The following FGD3 variants were observed in gnomAD, a reference collection of about 807,000 sequenced individuals.
The protein encoded by FGD3 is FYVE, RhoGEF and PH domain containing 3.
FGD3 carries 45 observed loss-of-function variants against 71.8 expected under a neutral mutation model. That is an observed-to-expected ratio of 0.63 (90% CI 0.49 to 0.80). The LOEUF (loss-of-function observed/expected upper bound fraction) is 0.80, where lower values mean the gene tolerates loss of function less well. Ranked by LOEUF, FGD3 falls within the 30% of genes least tolerant of loss-of-function variation. FGD3 has a pLI of 0.00. For missense variants in FGD3, 844 were observed against 951.5 expected, an observed-to-expected ratio of 0.89 and a Z score of 1.49; for synonymous variants, 378 against 392.8, an observed-to-expected ratio of 0.96 and a Z score of 0.44.
chr9:93,013,715 T>C, intron 8 of FGD3, 137 bp from the exon 9 acceptor site: 2 of 1,060,410 alleles, frequency 1.9e-6, no homozygotes, highest in Admixed American at 2.5e-5. Flanking sequence ...ATCACTCTGT[T>C]TTCCCTCCCA....
At chr9:93,021,307 A>C (rs1861909086) in intron 13 of FGD3, among the ~76,000 whole-genome samples, 1 of 152,172 alleles carries the variant, frequency 6.6e-6, no homozygotes, top group South Asian at 2.1e-4. Context: ...ATGGAGACTT[A>C]GGCTGGGAAA....
Position 92,995,936 on chromosome 9 carries a change from CT to C in FGD3, c.454-6980del, listed in dbSNP as rs563849686. On this transcript the variant is annotated intron_variant, in intron 3 of 17. Transcript: ENST00000375482. The stretch of plus-strand genomic sequence containing the variant: ...ATCAGGGATATTGGTCTAAAATTCT[CT>C]TTTTTTTTGTTGTGTCTCTGCCAGG... 1.7e-3 allele frequency among the ~76,000 whole-genome samples: 258 copies of C among 151,198 alleles called. 1 individual carries two copies. The highest frequency in any genetic ancestry group is 5.5e-3 in the African/African-American group (228 of 41,218).
chr9:93,005,897 A>T (rs1861030504), intron 5 of FGD3, 127 bp from the exon 6 acceptor site: 2 of 988,578 alleles, frequency 2.0e-6, no homozygotes, highest in African/African-American at 3.3e-5. Context: ...AGAGAGGGTG[A>T]CCAATTTGCT....
At chr9:93,016,335 CTTTTTTTTTTT>C (rs71511639) in intron 10 of FGD3, among the ~76,000 whole-genome samples, 4 of 108,500 alleles carry the variant, frequency 3.7e-5, no homozygotes, top group Admixed American at 1.0e-4. Flanking sequence ...GAATGACCTT[CTTTTTTTTTTT>C]TTTTTTTTTT....
chr9:93,018,281 C>T (rs1350117956), intron 11 of FGD3, 66 bp downstream of exon 11: 1 of 1,403,374 alleles, frequency 7.1e-7, no homozygotes, highest in Non-Finnish European at 9.9e-7. Flanking sequence ...AACTGGTTAA[C>T]CTTGTAATAT....
intron 3 of FGD3, among the ~76,000 whole-genome samples, chr9:92,997,329 G>A (rs910948190): frequency 1.2e-4 from 18 of 152,118 alleles, no homozygotes; most frequent in Non-Finnish European, 2.2e-4. Flanking sequence ...TTGCTTGATA[G>A]ATCTTCCTCC....
At position 93,024,110 on chromosome 9, in the gene FGD3, A is replaced by T. The variant is rs148785682; in HGVS notation, c.1557+1721A>T. Among the ~76,000 whole-genome samples, 567 of 152,312 alleles carry T rather than the reference A, an allele frequency of 3.7e-3. 5 individuals carry two copies. Among genetic ancestry groups the T allele is most frequent in the African/African-American group, 0.013 (534 of 41,570 alleles). On this transcript the variant is annotated intron_variant, in intron 14 of 17. Coordinates refer to ENST00000375482, the MANE Select transcript of FGD3 (RefSeq NM_001083536.2). ...AGCCTATGATGGGAATCCGCCCGTCAGCAACTTTTTGTATTGCCAAACAGT... is the reference window on the plus strand; with the variant it reads ...AGCCTATGATGGGAATCCGCCCGTCTGCAACTTTTTGTATTGCCAAACAGT...
At chr9:92,971,163 A>G (rs1213235679) in intron 1 of FGD3, among the ~76,000 whole-genome samples, 3 of 152,170 alleles carry the variant, frequency 2.0e-5, no homozygotes, top group Admixed American at 6.5e-5. Context: ...ATTTTGAGGT[A>G]CTGGGGGCTA....
intron 6 of FGD3, among the ~76,000 whole-genome samples, chr9:93,009,797 C>T (rs543741474): frequency 2.6e-5 from 4 of 152,320 alleles, no homozygotes; most frequent in Non-Finnish European, 2.9e-5. Context: ...AAGGACTCCC[C>T]GAGCTGCTTC....
chr9:92,976,140 G>T, intron 2 of FGD3, 68 bp from the exon 3 acceptor site: 1 of 954,648 alleles, frequency 1.0e-6, no homozygotes, highest in Non-Finnish European at 1.5e-6. Flanking sequence ...GCTGCATTTG[G>T]GGGTTGCACC....
chr9:92,951,827 CT>C (rs1858959955), intron 1 of FGD3, among the ~76,000 whole-genome samples: 1 of 152,146 alleles, frequency 6.6e-6, no homozygotes, highest in Non-Finnish European at 1.5e-5. Context: ...AACTGCTGGT[CT>C]TTGACCATGC....
In FGD3 at chr9:92,993,075, C is replaced by T. The variant is rs188042363; in HGVS notation, c.454-9850C>T. On this transcript the variant is annotated intron_variant, in intron 3 of 17. Transcript: ENST00000375482. The stretch of plus-strand genomic sequence containing the variant: ...AAATCTTAGTTGTTTGTGCCTTAGT[C>T]TTTTCTTGGGATGAGGGGAGGAATG... 1.2e-4 allele frequency among the ~76,000 whole-genome samples: 18 copies of T among 152,226 alleles called. No homozygotes were observed. The East Asian group carries it at 3.3e-3, about 28-fold the overall frequency.
intron 15 of FGD3, among the ~76,000 whole-genome samples, chr9:93,030,760 TGATG>T (rs1326287113): frequency 6.7e-6 from 1 of 148,758 alleles, no homozygotes; most frequent in East Asian, 2.0e-4. Context: ...GAAGGATGGA[TGATG>T]GATGGGTGGG....
chr9:93,001,913 T>G (rs962120065), intron 3 of FGD3, among the ~76,000 whole-genome samples: 1 of 152,180 alleles, frequency 6.6e-6, no homozygotes, highest in East Asian at 1.9e-4. Context: ...GTTCATGGGT[T>G]TGCTCTCTGC....
chr9:93,001,786 G>T (rs1442676183), intron 3 of FGD3, among the ~76,000 whole-genome samples: 1 of 152,164 alleles, frequency 6.6e-6, no homozygotes, highest in East Asian at 1.9e-4. Context: ...TGTCATGCAG[G>T]CCTGTCTATG....
intron 3 of FGD3, among the ~76,000 whole-genome samples, chr9:92,998,733 T>C (rs978673127): frequency 3.9e-5 from 6 of 152,252 alleles, no homozygotes; most frequent in Non-Finnish European, 5.9e-5. Flanking sequence ...TGGAGTTTGC[T>C]GGAGGTCCAC....
chr9:93,035,328 T>G lies in FGD3; in HGVS notation c.1927-10T>G. The G allele has an allele frequency of 6.2e-7, 1 of 1,606,230 alleles. No individual in the cohort carries two copies. Among genetic ancestry groups the G allele is most frequent in the African/African-American group, 1.3e-5 (1 of 74,906 alleles). On this transcript the variant is annotated splice_polypyrimidine_tract_variant and intron_variant, in intron 17 of 17. Transcript: ENST00000375482. Reference sequence around the variant, plus strand: ...TGTGGCCCCGCTGACCATCTGCTCCTCTGCTGCAGGACGGCCGGCTGCCCC... The same window carrying G: ...TGTGGCCCCGCTGACCATCTGCTCCGCTGCTGCAGGACGGCCGGCTGCCCC...
At chr9:93,015,243 G>A (rs894876385) in intron 9 of FGD3, among the ~76,000 whole-genome samples, 1 of 151,998 alleles carries the variant, frequency 6.6e-6, no homozygotes, top group Non-Finnish European at 1.5e-5. Flanking sequence ...ATCACCTGAG[G>A]TCAGGACTTT....
chr9:92,989,927 T>G (rs889518544), intron 3 of FGD3, among the ~76,000 whole-genome samples: 6 of 151,796 alleles, frequency 4.0e-5, no homozygotes, highest in East Asian at 3.9e-4. Context: ...AGGTTTTTTT[T>G]TTTTTTTTTT....
Sources: allele counts gnomAD v4.1 joint callset (sites outside exome capture counted in the v4.1 genomes callset), GRCh38; gene constraint gnomAD v4.1.1; transcripts MANE v1.5; gene names NCBI Gene and HGNC (gene_info 2026-07-23, HGNC 2026-07-21).